MDGA2: variants seen among roughly 807,000 people sequenced by gnomAD.
MDGA2 encodes the protein MAM domain-containing glycosylphosphatidylinositol anchor protein 2.
MDGA2 carries 40 observed loss-of-function variants against 117.8 expected under a neutral mutation model. That is an observed-to-expected ratio of 0.34 (90% CI 0.26 to 0.44). The LOEUF is 0.44. MDGA2 is among the 20% of genes least tolerant of loss of function. The probability of loss-of-function intolerance (pLI) is 1.00; values close to 1 mark genes in which losing one functional copy is unlikely to be tolerated. For missense variants in MDGA2, 1,123 were observed against 1,250.6 expected (o/e 0.90, Z 1.54); for synonymous variants, 452 against 439.0 (o/e 1.03, Z -0.37).
At chr14:47,135,923 G>A (rs1882430382) in intron 4 of MDGA2, among the ~76,000 whole-genome samples, 1 of 151,976 alleles carries the variant, frequency 6.6e-6, no homozygotes, top group African/African-American at 2.4e-5. Context: ...GCAACAAAGA[G>A]CATAAAATGA....
chr14:47,595,564 A>AAAAAAAAAAAAAAC (rs1566532690), intron 1 of MDGA2, among the ~76,000 whole-genome samples: 1 of 146,622 alleles, frequency 6.8e-6, no homozygotes, highest in African/African-American at 2.5e-5. Flanking sequence ...AAACAAAAAA[A>AAAAAAAAAAAAAAC]AAAAAAACCC....
intron 1 of MDGA2, among the ~76,000 whole-genome samples, chr14:47,590,467 G>T (rs1453381137): frequency 6.6e-6 from 1 of 151,712 alleles, no homozygotes; most frequent in African/African-American, 2.4e-5. Flanking sequence ...AAAATACAGG[G>T]CATGATTATG....
At chr14:47,047,497 C>T (rs77738169) in intron 7 of MDGA2, among the ~76,000 whole-genome samples, 139 of 152,194 alleles carry the variant, frequency 9.1e-4, no homozygotes, top group African/African-American at 3.2e-3. Flanking sequence ...AGCTCTATCA[C>T]CTACTAGCTG....
intron 5 of MDGA2, among the ~76,000 whole-genome samples, chr14:47,127,097 C>T (rs1367512567): frequency 2.0e-5 from 3 of 152,008 alleles, no homozygotes; most frequent in African/African-American, 4.8e-5. Context: ...AGAAGATTAA[C>T]GAAACATATT....
intron 3 of MDGA2, among the ~76,000 whole-genome samples, chr14:47,212,196 G>C (rs908696899): frequency 6.6e-6 from 1 of 152,064 alleles, no homozygotes; most frequent in Non-Finnish European, 1.5e-5. Context: ...TATGCTATTT[G>C]CCTATCTTTT....
chr14:47,618,510 T>C (rs1315748792), intron 1 of MDGA2, among the ~76,000 whole-genome samples: 1 of 152,140 alleles, frequency 6.6e-6, no homozygotes, highest in Non-Finnish European at 1.5e-5. Context: ...TCTAAAACTC[T>C]CTACTTCAAT....
intron 14 of MDGA2, among the ~76,000 whole-genome samples, chr14:46,862,546 T>A (rs1881554254): frequency 6.6e-6 from 1 of 151,482 alleles, no homozygotes; most frequent in Admixed American, 6.6e-5. Context: ...TTTAGATAAA[T>A]AATTTAAGTA....
intron 8 of MDGA2, among the ~76,000 whole-genome samples, chr14:46,959,885 G>C (rs970357445): frequency 6.6e-6 from 1 of 151,928 alleles, no homozygotes; most frequent in Non-Finnish European, 1.5e-5. Flanking sequence ...TCATTCTAAC[G>C]TGTTACTGTG....
intron 1 of MDGA2, among the ~76,000 whole-genome samples, chr14:47,515,812 G>A (rs566075849): frequency 1.3e-4 from 20 of 152,240 alleles, no homozygotes; most frequent in Admixed American, 5.2e-4. Flanking sequence ...GTCACTTACT[G>A]GCTGTGTGGC....
chr14:47,045,495 T>C (rs1156350384), intron 7 of MDGA2, among the ~76,000 whole-genome samples: 3 of 152,312 alleles, frequency 2.0e-5, no homozygotes, highest in Non-Finnish European at 4.4e-5. Context: ...TAATTAAGTA[T>C]ATAAAGTCTC....
intron 1 of MDGA2, among the ~76,000 whole-genome samples, chr14:47,558,442 G>A (rs1054432585): frequency 6.6e-6 from 1 of 152,128 alleles, no homozygotes; most frequent in Non-Finnish European, 1.5e-5. Context: ...GCAGTTTTCT[G>A]GGGGAGTACA....
At chr14:47,171,693 G>A (rs961457083) in intron 3 of MDGA2, among the ~76,000 whole-genome samples, 4 of 152,154 alleles carry the variant, frequency 2.6e-5, no homozygotes, top group South Asian at 2.1e-4. Context: ...GAACAGCTCC[G>A]GTCTACAGCT....
chr14:47,173,681 G>A (rs1884291673), intron 3 of MDGA2, among the ~76,000 whole-genome samples: 1 of 152,154 alleles, frequency 6.6e-6, no homozygotes, highest in Admixed American at 6.6e-5. Context: ...ACCGGTACCA[G>A]CCACTGCAAA....
chr14:47,076,454 T>C (rs1410880557), intron 6 of MDGA2, among the ~76,000 whole-genome samples: 4 of 152,076 alleles, frequency 2.6e-5, no homozygotes, highest in Non-Finnish European at 5.9e-5. Flanking sequence ...TGAAGATGTA[T>C]AAATGGGGCT....
At chr14:47,045,372 G>C (rs1240438716) in intron 7 of MDGA2, among the ~76,000 whole-genome samples, 1 of 151,968 alleles carries the variant, frequency 6.6e-6, no homozygotes, top group South Asian at 2.1e-4. Flanking sequence ...TCTCTTAAGA[G>C]AATGTCCTAA....
chr14:47,585,529 C>T (rs376626108), intron 1 of MDGA2, among the ~76,000 whole-genome samples: 31 of 151,872 alleles, frequency 2.0e-4, no homozygotes, highest in African/African-American at 6.5e-4. Context: ...GAAAGTATGG[C>T]GTACGGTAAT....
chr14:46,956,091 C>T (rs144070483), intron 9 of MDGA2, among the ~76,000 whole-genome samples: 35 of 152,140 alleles, frequency 2.3e-4, no homozygotes, highest in East Asian at 1.4e-3. Context: ...GCAAAAATGG[C>T]GAAAGGCAGT....
intron 1 of MDGA2, among the ~76,000 whole-genome samples, chr14:47,324,335 A>G (rs1890078135): frequency 6.6e-6 from 1 of 152,226 alleles, no homozygotes; most frequent in Non-Finnish European, 1.5e-5. Context: ...TAGGAGAGTC[A>G]GATACATTGG....
intron 1 of MDGA2, among the ~76,000 whole-genome samples, chr14:47,588,144 T>C (rs1361741741): frequency 6.6e-6 from 1 of 150,964 alleles, no homozygotes; most frequent in Non-Finnish European, 1.5e-5. Context: ...TTTTGTTGTT[T>C]CTACATTTGA....
Sources: gnomAD v4.1 joint callset for allele counts (sites outside exome capture counted in the v4.1 genomes callset) on GRCh38, gnomAD v4.1.1 for gene constraint, MANE v1.5 for transcripts, NCBI Gene and HGNC (gene_info 2026-07-23, HGNC 2026-07-21) for gene names.